CFAP20DC: variants seen among roughly 807,000 people sequenced by gnomAD.
The protein encoded by CFAP20DC is protein CFAP20DC.
CFAP20DC carries 84 observed loss-of-function variants against 101.7 expected under a neutral mutation model. That is an observed-to-expected ratio of 0.83 (90% CI 0.69 to 0.99). The LOEUF (loss-of-function observed/expected upper bound fraction) is 0.99, where lower values mean the gene tolerates loss of function less well. CFAP20DC is among the 50% of genes least tolerant of loss of function. CFAP20DC has a pLI of 0.00. For missense variants in CFAP20DC, 1,007 were observed against 970.3 expected, an observed-to-expected ratio of 1.04 and a Z score of -0.50; for synonymous variants, 359 against 351.2, an observed-to-expected ratio of 1.02 and a Z score of -0.25.
At chr3:58,890,598 C>T (rs1219293063) in intron 6 of CFAP20DC, among the ~76,000 whole-genome samples, 1 of 150,750 alleles carries the variant, frequency 6.6e-6, no homozygotes, top group Admixed American at 6.6e-5. Context: ...GACGGGGTGG[C>T]TGCCGGGCGG....
At chr3:59,035,338 A>G (rs763200731) in intron 4 of CFAP20DC, among the ~76,000 whole-genome samples, 2 of 152,224 alleles carry the variant, frequency 1.3e-5, no homozygotes, top group Non-Finnish European at 2.9e-5. Context: ...GAAATAACTA[A>G]GATCAGAGCA....
rs530734496 is a variant in CFAP20DC at position 58,816,768 on chromosome 3, C to A, written c.2176-10312G>T. 3.0e-3 allele frequency among the ~76,000 whole-genome samples: 456 copies of A among 152,234 alleles called. 8 individuals are homozygous for A. Among genetic ancestry groups the A allele is most frequent in the African/African-American group, 0.011 (437 of 41,544 alleles). ...AGGTAAACAAAGCAGCCAGGAAGCT[C>A]GAACTGGGTGGAGCCCACCACAGCT... On this transcript the variant is annotated intron_variant, in intron 14 of 16. Coordinates refer to ENST00000482387, the MANE Select transcript of CFAP20DC (RefSeq NM_001394063.1).
At chr3:58,806,565 G>T in intron 14 of CFAP20DC, 109 bp from the exon 15 acceptor site, 29 of 790,234 alleles carry the variant, frequency 3.7e-5, no homozygotes, top group East Asian at 1.1e-4. Context: ...CAACCCACAA[G>T]AAGGGTATGG....
rs1020809301 is a variant in CFAP20DC, at chr3:58,864,664, G to T, written c.1259-772C>A. Among the ~76,000 whole-genome samples the T allele has an allele frequency of 1.3e-5, 2 of 152,300 alleles. No individual in the cohort carries two copies. The highest frequency in any genetic ancestry group is 1.9e-4 in the East Asian group (1 of 5,188). ...TTAATTCAGATTACAAATCATGGAG[G>T]AGAGGAAGCCATGACAAGGTTGGCA... is the stretch of plus-strand genomic sequence containing the variant. On this transcript the variant is annotated intron_variant, in intron 11 of 16. Transcript: ENST00000482387. This position sits in a 1 kb window ranked among gnomAD's most constrained non-coding sequence, Gnocchi z 4.7.
At chr3:59,029,534 C>T (rs1031958065) in intron 4 of CFAP20DC, among the ~76,000 whole-genome samples, 2 of 151,900 alleles carry the variant, frequency 1.3e-5, no homozygotes, top group African/African-American at 4.8e-5. Context: ...TCACCTGGTG[C>T]GTGAGGAAGC....
intron 4 of CFAP20DC, among the ~76,000 whole-genome samples, chr3:59,021,823 G>C (rs1246456672): frequency 2.6e-5 from 4 of 152,114 alleles, no homozygotes; most frequent in African/African-American, 9.7e-5. Context: ...GACAGAGAGA[G>C]AGAGAGACCT....
At chr3:59,020,110 TG>T (rs1427392494) in intron 4 of CFAP20DC, among the ~76,000 whole-genome samples, 5 of 152,098 alleles carry the variant, frequency 3.3e-5, no homozygotes, top group Non-Finnish European at 7.4e-5. Flanking sequence ...TTTATGTATA[TG>T]TTTTTATAGG....
intron 15 of CFAP20DC, among the ~76,000 whole-genome samples, chr3:58,767,792 T>A (rs1260025319): frequency 6.6e-6 from 1 of 152,200 alleles, no homozygotes; most frequent in Non-Finnish European, 1.5e-5. Flanking sequence ...TATTGAAGAA[T>A]AACCCCCATT....
At chr3:58,926,730 A>T (rs1163162784) in intron 5 of CFAP20DC, among the ~76,000 whole-genome samples, 2 of 152,240 alleles carry the variant, frequency 1.3e-5, no homozygotes, top group African/African-American at 4.8e-5. Context: ...ATATTCCATC[A>T]GAGCTGTGGT....
chr3:59,023,673 A>T (rs959564368), intron 4 of CFAP20DC, among the ~76,000 whole-genome samples: 4 of 152,118 alleles, frequency 2.6e-5, no homozygotes, highest in African/African-American at 9.7e-5. Flanking sequence ...GGCTGCAGGA[A>T]ATCCTAATTT....
chr3:58,820,393 C>G (rs1257362573), intron 14 of CFAP20DC, among the ~76,000 whole-genome samples: 1 of 150,254 alleles, frequency 6.7e-6, no homozygotes, highest in African/African-American at 2.5e-5. Flanking sequence ...TCTAGAAAAC[C>G]CCATTGTCTC....
chr3:58,878,446 C>G (rs1300229069), intron 7 of CFAP20DC, among the ~76,000 whole-genome samples: 1 of 151,918 alleles, frequency 6.6e-6, no homozygotes, highest in African/African-American at 2.4e-5. Flanking sequence ...CTTCATAAAC[C>G]CTTAATTTAT....
At chr3:58,813,556 T>C in intron 14 of CFAP20DC, among the ~76,000 whole-genome samples, 1 of 151,952 alleles carries the variant, frequency 6.6e-6, no homozygotes, top group East Asian at 1.9e-4. Context: ...AACGTAGCCA[T>C]GGTGCCTGTA....
At chr3:58,719,896 T>C (rs1013832541) in intron 3 of CFAP20DC, among the ~76,000 whole-genome samples, 2 of 152,250 alleles carry the variant, frequency 1.3e-5, no homozygotes, top group African/African-American at 4.8e-5. Flanking sequence ...GGCTTTCCCC[T>C]GTCCTCGGAC....
intron 4 of CFAP20DC, among the ~76,000 whole-genome samples, chr3:59,021,739 A>G (rs930260475): frequency 6.6e-6 from 1 of 152,118 alleles, no homozygotes. Context: ...GCTGGTATAC[A>G]GAACGAAACT....
chr3:58,922,080 G>A (rs1420070240), intron 5 of CFAP20DC, among the ~76,000 whole-genome samples: 1 of 152,056 alleles, frequency 6.6e-6, no homozygotes, highest in Non-Finnish European at 1.5e-5. Flanking sequence ...TGTAACCTGT[G>A]TCTTTAGATT....
At chr3:59,033,485 C>A (rs576814377) in intron 4 of CFAP20DC, among the ~76,000 whole-genome samples, 56 of 152,156 alleles carry the variant, frequency 3.7e-4, no homozygotes, top group African/African-American at 1.2e-3. Flanking sequence ...ACTAGAATAA[C>A]CAGTTTAGAG....
intron 5 of CFAP20DC, among the ~76,000 whole-genome samples, chr3:58,922,632 A>T (rs566745227): frequency 4.9e-4 from 75 of 152,224 alleles, no homozygotes; most frequent in African/African-American, 1.7e-3. Context: ...TCCCCCTTCC[A>T]CCAAGAGTGG....
At chr3:58,858,546 A>C (rs2079014306) in intron 12 of CFAP20DC, among the ~76,000 whole-genome samples, 1 of 152,192 alleles carries the variant, frequency 6.6e-6, no homozygotes, top group Non-Finnish European at 1.5e-5. Flanking sequence ...TTGTACCACA[A>C]CTTTAATGTT....
Sources: gnomAD v4.1 joint callset for allele counts (sites outside exome capture counted in the v4.1 genomes callset) on GRCh38, gnomAD v4.1.1 for gene constraint, Gnocchi (gnomAD v3.1) non-coding constraint, MANE v1.5 for transcripts, NCBI Gene and HGNC (gene_info 2026-07-23, HGNC 2026-07-21) for gene names.